Variants in SLC27A6 observed in about 807,000 individuals in gnomAD.
SLC27A6 encodes solute carrier family 27 member 6.
SLC27A6 carries 74 observed loss-of-function variants against 63.9 expected under a neutral mutation model. The ratio of observed to expected loss-of-function variants is 1.16; its 90% confidence interval spans 0.96 to 1.40. The LOEUF (loss-of-function observed/expected upper bound fraction) is 1.40, where lower values mean the gene tolerates loss of function less well. SLC27A6 is among the 40% of genes most tolerant of loss of function. SLC27A6 has a pLI of 0.00. For missense variants in SLC27A6, 794 were observed against 732.9 expected (o/e 1.08, Z -0.96); for synonymous variants, 287 against 260.8 (o/e 1.10, Z -0.97).
At chr5:129,005,065 T>C (rs1290542690) in intron 4 of SLC27A6, among the ~76,000 whole-genome samples, 1 of 152,188 alleles carries the variant, frequency 6.6e-6, no homozygotes, top group Non-Finnish European at 1.5e-5. Context: ...TGTTCCATCA[T>C]CTTTCTCTCC....
At position 128,990,350 on chromosome 5, in the gene SLC27A6, T is replaced by C; in HGVS notation, c.855T>C (p.Cys285=). Reference sequence around the variant, plus strand: ...TGTCTTTTCTTATAGGTGCCACTTGTGTGTTAAAGAAGAAATTTTCAGCAA... The same window carrying C: ...TGTCTTTTCTTATAGGTGCCACTTGCGTGTTAAAGAAGAAATTTTCAGCAA... ...ISGCVELGAT[C]VLKKKFSASQ... The change falls in exon 4 of 10, where the codon TGT becomes TGC. Residue 285 remains cysteine (C), a synonymous_variant. Transcript: ENST00000262462. 6.2e-7 allele frequency: 1 copy of C among 1,613,550 alleles called. No individual in the cohort carries two copies. Among genetic ancestry groups the C allele is most frequent in the Non-Finnish European group, 8.5e-7 (1 of 1,179,882 alleles).
intron 4 of SLC27A6, among the ~76,000 whole-genome samples, chr5:129,000,666 C>A (rs80019295): frequency 1.3e-5 from 2 of 152,100 alleles, no homozygotes; most frequent in African/African-American, 2.4e-5. Flanking sequence ...CTTTTTGGAA[C>A]GTTTCATTAA....
chr5:129,026,570 TA>T (rs1209622247), intron 6 of SLC27A6, among the ~76,000 whole-genome samples: 2 of 152,092 alleles, frequency 1.3e-5, no homozygotes, highest in African/African-American at 4.8e-5. Flanking sequence ...CACAAAGTCA[TA>T]AAAACTTGAA....
Position 129,029,608 on chromosome 5 carries a change from T to G in SLC27A6, c.1584T>G (p.Ile528Met). 6.3e-7 allele frequency: 1 copy of G among 1,593,552 alleles called. No individual in the cohort carries two copies. Among genetic ancestry groups the G allele is most frequent in the Non-Finnish European group, 8.5e-7 (1 of 1,171,632 alleles). Residue 528 changes from isoleucine (I) to methionine (M), a missense_variant, in exon 9 of 10, where the codon ATT (isoleucine) becomes ATG (methionine). Physicochemically the swap from Ile to Met is conservative, Grantham distance 10. Coordinates refer to ENST00000262462, the MANE Select transcript of SLC27A6 (RefSeq NM_001017372.3). Reference protein sequence around the residue: ...GYEGRAGMASIILKPNTSLDL... With the variant: ...GYEGRAGMASMILKPNTSLDL... ...AAGGAAGAGCAGGAATGGCTTCTATTATTTTAAAACCAAATACATCTTTAG... is the reference window on the plus strand; with the variant it reads ...AAGGAAGAGCAGGAATGGCTTCTATGATTTTAAAACCAAATACATCTTTAG...
intron 4 of SLC27A6, among the ~76,000 whole-genome samples, chr5:129,000,367 GAC>G (rs1751293150): frequency 6.6e-6 from 1 of 152,102 alleles, no homozygotes; most frequent in South Asian, 2.1e-4. Flanking sequence ...AATGGTGCCT[GAC>G]ACATAGTAGA....
intron 4 of SLC27A6, among the ~76,000 whole-genome samples, chr5:129,004,958 T>C (rs1017389145): frequency 5.9e-5 from 9 of 152,196 alleles, no homozygotes; most frequent in Non-Finnish European, 8.8e-5. Context: ...TAGGTTCTCA[T>C]CATCATCACC....
In SLC27A6 at chr5:129,027,333, T is replaced by C; in HGVS notation, c.1454+2T>C. The stretch of plus-strand genomic sequence containing the variant: ...GGACCGTACTGGAGACACTTTCAGG[T>C]ATGAAATGTTATGGGATCCATAGCT... On this transcript the variant is annotated splice_donor_variant, in intron 7 of 9. Coordinates refer to ENST00000262462, the MANE Select transcript of SLC27A6 (RefSeq NM_001017372.3). LOFTEE classifies it high-confidence loss of function. 1 of 1,597,644 alleles carries C rather than the reference T, an allele frequency of 6.3e-7. No individual in the cohort carries two copies. Among genetic ancestry groups the C allele is most frequent in the Non-Finnish European group, 8.6e-7 (1 of 1,166,406 alleles).
Position 129,028,357 on chromosome 5 carries a change from A to G in SLC27A6, c.1467A>G (p.Glu489=). Residue 489 remains glutamate (E), a synonymous_variant, in exon 8 of 10, where the codon GAA becomes GAG. Coordinates refer to ENST00000262462, the MANE Select transcript of SLC27A6 (RefSeq NM_001017372.3). ...TTTTTTCATTTAGATGGAAAGGAGAAAATGTCGCAACCACTGAGGTTGCTG... is the reference window on the plus strand; with the variant it reads ...TTTTTTCATTTAGATGGAAAGGAGAGAATGTCGCAACCACTGAGGTTGCTG... ...RTGDTFRWKG[E]NVATTEVADV... 1.2e-6 allele frequency: 2 copies of G among 1,608,690 alleles called. No individual in the cohort carries two copies. Among genetic ancestry groups the G allele is most frequent in the Non-Finnish European group, 1.7e-6 (2 of 1,175,888 alleles).
At chr5:129,022,495 T>C (rs1416695872) in intron 5 of SLC27A6, among the ~76,000 whole-genome samples, 1 of 152,166 alleles carries the variant, frequency 6.6e-6, no homozygotes, top group Non-Finnish European at 1.5e-5. Flanking sequence ...ATCTTATCTT[T>C]TCCCACTTAT....
At chr5:128,996,786 A>G (rs1193515214) in intron 4 of SLC27A6, among the ~76,000 whole-genome samples, 1 of 152,174 alleles carries the variant, frequency 6.6e-6, no homozygotes, top group Non-Finnish European at 1.5e-5. Flanking sequence ...AAGAAGATTC[A>G]GTAGTGCCAG....
intron 1 of SLC27A6, among the ~76,000 whole-genome samples, chr5:128,971,413 A>G (rs1217757292): frequency 1.3e-5 from 2 of 152,040 alleles, no homozygotes; most frequent in African/African-American, 2.4e-5. Flanking sequence ...GTAGTTCTCT[A>G]AGGACTTGCT....
intron 6 of SLC27A6, among the ~76,000 whole-genome samples, chr5:129,024,147 C>T (rs183382261): frequency 3.3e-5 from 5 of 152,032 alleles, no homozygotes; most frequent in Non-Finnish European, 7.4e-5. Context: ...AATTTTAATG[C>T]AGGTGGAACA....
At chr5:128,982,002 C>T (rs1232475102) in intron 1 of SLC27A6, among the ~76,000 whole-genome samples, 1 of 151,960 alleles carries the variant, frequency 6.6e-6, no homozygotes, top group Non-Finnish European at 1.5e-5. Context: ...TTAGTAGAGA[C>T]AGGGTTTCAC....
At chr5:129,008,961 G>A (rs972364202) in intron 4 of SLC27A6, among the ~76,000 whole-genome samples, 1 of 150,928 alleles carries the variant, frequency 6.6e-6, no homozygotes, top group African/African-American at 2.4e-5. Context: ...CCTCCTCCCG[G>A]GTTCAAGCAA....
chr5:129,003,566 G>A (rs766306130), intron 4 of SLC27A6, among the ~76,000 whole-genome samples: 41 of 152,190 alleles, frequency 2.7e-4, no homozygotes, highest in Non-Finnish European at 4.6e-4. Context: ...GGCCAGTGCA[G>A]TAGCTCATGC....
intron 5 of SLC27A6, among the ~76,000 whole-genome samples, chr5:129,019,737 C>T (rs916960854): frequency 4.6e-5 from 7 of 151,668 alleles, no homozygotes; most frequent in South Asian, 2.1e-4. Flanking sequence ...GGAATGTAAA[C>T]GTTGTTAGGG....
At chr5:129,017,584 A>G (rs1751945140) in intron 5 of SLC27A6, among the ~76,000 whole-genome samples, 1 of 152,160 alleles carries the variant, frequency 6.6e-6, no homozygotes, top group Non-Finnish European at 1.5e-5. Flanking sequence ...ATGAATACAA[A>G]AATAAATAGA....
At chr5:128,970,379 A>T (rs10007882) in intron 1 of SLC27A6, among the ~76,000 whole-genome samples, 1 of 152,044 alleles carries the variant, frequency 6.6e-6, no homozygotes, top group Admixed American at 6.6e-5. Context: ...TTGTGAACCC[A>T]TCTTGTCCTG....
chr5:128,979,526 T>A (rs1196447349), intron 1 of SLC27A6, among the ~76,000 whole-genome samples: 1 of 152,210 alleles, frequency 6.6e-6, no homozygotes, highest in East Asian at 1.9e-4. Context: ...AGTCTGTCTG[T>A]AGATTGCTTT....
Sources: allele counts gnomAD v4.1 joint callset (sites outside exome capture counted in the v4.1 genomes callset), GRCh38; gene constraint gnomAD v4.1.1; transcripts MANE v1.5; gene names NCBI Gene and HGNC (gene_info 2026-07-23, HGNC 2026-07-21).